Variants in SAMD4A observed in about 807,000 individuals in gnomAD.
The protein encoded by SAMD4A is sterile alpha motif domain containing 4A.
SAMD4A carries 33 observed loss-of-function variants against 81.3 expected under a neutral mutation model. The ratio of observed to expected loss-of-function variants is 0.41; its 90% confidence interval spans 0.31 to 0.54. SAMD4A has a LOEUF of 0.54. Ranked by LOEUF, SAMD4A falls within the 20% of genes least tolerant of loss-of-function variation. The pLI is 0.37. For synonymous variants in SAMD4A, 389 were observed against 382.1 expected, an observed-to-expected ratio of 1.02 and a Z score of -0.21; for missense variants, 854 against 951.1, an observed-to-expected ratio of 0.90 and a Z score of 1.34.
intron 5 of SAMD4A, among the ~76,000 whole-genome samples, chr14:54,749,773 C>T (rs1474806632): frequency 6.6e-6 from 1 of 152,214 alleles, no homozygotes; most frequent in Non-Finnish European, 1.5e-5. Context: ...GCCTCAGTTT[C>T]CTTTCAGCAA....
chr14:54,652,866 G>A (rs976504762), intron 2 of SAMD4A: 1 of 152,114 alleles, frequency 6.6e-6, no homozygotes, highest in Non-Finnish European at 1.5e-5. Context: ...AATGGATATT[G>A]GGAGAGTTAA....
intron 2 of SAMD4A, among the ~76,000 whole-genome samples, chr14:54,592,520 T>C (rs1465681601): frequency 6.6e-6 from 1 of 152,164 alleles, no homozygotes; most frequent in Non-Finnish European, 1.5e-5. Context: ...AGTGCAGTGG[T>C]GCGATCTCGG....
intron 2 of SAMD4A, among the ~76,000 whole-genome samples, chr14:54,574,487 C>T (rs1378959001): frequency 6.6e-6 from 1 of 152,054 alleles, no homozygotes. Flanking sequence ...GGGCAGGCTT[C>T]CTGGGCCTTT....
intron 2 of SAMD4A, among the ~76,000 whole-genome samples, chr14:54,640,086 T>C (rs1277124789): frequency 1.3e-5 from 2 of 151,800 alleles, no homozygotes; most frequent in African/African-American, 4.8e-5. Flanking sequence ...CATCTGCAAG[T>C]CTGTTACTCC....
chr14:54,631,596 G>A (rs1244611986), intron 2 of SAMD4A, among the ~76,000 whole-genome samples: 2 of 151,990 alleles, frequency 1.3e-5, no homozygotes, highest in African/African-American at 4.8e-5. Flanking sequence ...AGAATGATGT[G>A]GCCTCAAAGA....
intron 2 of SAMD4A, among the ~76,000 whole-genome samples, chr14:54,651,172 G>A (rs147571566): frequency 0.024 from 3,683 of 152,188 alleles, 78 homozygotes; most frequent in South Asian, 0.037. Flanking sequence ...CTTTCTCTTG[G>A]TTTAGAATTC....
At chr14:54,597,584 C>CTTTTTTTTT (rs71127662) in intron 2 of SAMD4A, among the ~76,000 whole-genome samples, 8 of 90,858 alleles carry the variant, frequency 8.8e-5, no homozygotes, top group East Asian at 4.1e-4. Context: ...TTCCTTCTAT[C>CTTTTTTTTT]TTTTTTTTTT....
intron 3 of SAMD4A, among the ~76,000 whole-genome samples, chr14:54,713,465 A>G (rs1037992186): frequency 6.6e-6 from 1 of 152,162 alleles, no homozygotes; most frequent in African/African-American, 2.4e-5. Context: ...AATCTGGAAA[A>G]TGCTATAAAG....
intron 6 of SAMD4A, chr14:54,754,725 A>T (rs910075372): frequency 1.9e-6 from 1 of 531,944 alleles, no homozygotes. Context: ...CCTGCCTCCC[A>T]TATTCTTACC....
At chr14:54,632,383 C>T (rs930565304) in intron 2 of SAMD4A, among the ~76,000 whole-genome samples, 5 of 152,166 alleles carry the variant, frequency 3.3e-5, no homozygotes, top group Non-Finnish European at 7.3e-5. Flanking sequence ...AAAGAATACA[C>T]AGTAAAATGT....
At chr14:54,568,689 G>T in intron 2 of SAMD4A, among the ~76,000 whole-genome samples, 1 of 76,990 alleles carries the variant, frequency 1.3e-5, no homozygotes, top group South Asian at 4.9e-4. Context: ...GACATTTGCA[G>T]CATATATATA....
intron 2 of SAMD4A, among the ~76,000 whole-genome samples, chr14:54,638,616 C>T (rs576212910): frequency 2.0e-5 from 3 of 152,176 alleles, no homozygotes; most frequent in Admixed American, 6.5e-5. Flanking sequence ...CAACAAGGAA[C>T]AAGATTTGTC....
intron 11 of SAMD4A, among the ~76,000 whole-genome samples, chr14:54,780,462 T>G (rs1476885926): frequency 6.6e-6 from 1 of 152,156 alleles, no homozygotes; most frequent in African/African-American, 2.4e-5. Flanking sequence ...ATTGGTGCAC[T>G]GGGTCCAGTG....
chr14:54,613,531 A>G (rs1282040606), intron 2 of SAMD4A, among the ~76,000 whole-genome samples: 1 of 152,190 alleles, frequency 6.6e-6, no homozygotes, highest in East Asian at 1.9e-4. Context: ...TTGAGCCATT[A>G]TGGTGCAACC....
At chr14:54,637,874 A>G (rs1395722418) in intron 2 of SAMD4A, among the ~76,000 whole-genome samples, 2 of 152,140 alleles carry the variant, frequency 1.3e-5, no homozygotes, top group African/African-American at 4.8e-5. Flanking sequence ...GATCTCTTGA[A>G]TTCGTGAAAT....
At chr14:54,678,651 C>G (rs1028258308) in intron 2 of SAMD4A, among the ~76,000 whole-genome samples, 1 of 149,460 alleles carries the variant, frequency 6.7e-6, no homozygotes, top group African/African-American at 2.6e-5. Context: ...CGGGTTCACG[C>G]CATTCTCCTG....
intron 11 of SAMD4A, among the ~76,000 whole-genome samples, chr14:54,779,173 G>T (rs1411037008): frequency 3.9e-5 from 6 of 152,204 alleles, no homozygotes; most frequent in Non-Finnish European, 7.3e-5. Context: ...GTGCAATCTG[G>T]TTCGCTATGG....
At chr14:54,577,244 G>A (rs1426190279) in intron 2 of SAMD4A, among the ~76,000 whole-genome samples, 4 of 152,200 alleles carry the variant, frequency 2.6e-5, no homozygotes, top group Non-Finnish European at 5.9e-5. Context: ...GTACTTTCAG[G>A]TTTGTACGTG....
At chr14:54,593,998 T>A (rs534476846) in intron 2 of SAMD4A, among the ~76,000 whole-genome samples, 28 of 152,186 alleles carry the variant, frequency 1.8e-4, no homozygotes, top group Non-Finnish European at 3.8e-4. Context: ...CCAGATCATA[T>A]ACAGGAAGAT....
Sources: allele counts gnomAD v4.1 joint callset (sites outside exome capture counted in the v4.1 genomes callset), GRCh38; gene constraint gnomAD v4.1.1; transcripts MANE v1.5; gene names NCBI Gene and HGNC (gene_info 2026-07-23, HGNC 2026-07-21).